The following LMO1 variants were observed in gnomAD, a reference collection of about 807,000 sequenced individuals.
LMO1 encodes the protein LIM domain only 1, also known as rhombotin-1.
Under a neutral mutation model 18.0 loss-of-function variants are expected in LMO1, and 10 were observed. The observed-to-expected ratio is 0.55, with a 90% CI of 0.34 to 0.94. The LOEUF is 0.94. Among genes scored for constraint, LMO1 ranks in the 40% least tolerant of loss-of-function variants. The probability of loss-of-function intolerance (pLI) is 0.02; values close to 1 mark genes in which losing one functional copy is unlikely to be tolerated. For missense variants in LMO1, 183 were observed against 205.7 expected (o/e 0.89, Z 0.68); for synonymous variants, 77 against 77.9 (o/e 0.99, Z 0.06).
chr11:8,263,523 C>G lies in LMO1; in HGVS notation c.-161G>C. ...GATTGCACTCAGCTAGAATTACATTCAGGAGTGAAGCACTTCGCAGATACA... is the reference window on the plus strand; with the variant it reads ...GATTGCACTCAGCTAGAATTACATTGAGGAGTGAAGCACTTCGCAGATACA... On this transcript the variant is annotated 5_prime_UTR_variant, in exon 1 of 4. Transcript: ENST00000335790. The G allele has an allele frequency of 7.1e-7, 1 of 1,400,632 alleles. No homozygotes were observed. Among genetic ancestry groups the G allele is most frequent in the East Asian group, 3.0e-5 (1 of 33,788 alleles). The allele number at this position is 1,400,632 out of a possible 1,614,324, so 86.8% of individuals were successfully genotyped here.
At chr11:8,268,700 G>A (rs1290675751), upstream of LMO1, 2 of 260,878 alleles carry the variant, frequency 7.7e-6, no homozygotes, top group Non-Finnish European at 1.4e-5. Context: ...AGCCTCGCGA[G>A]CAGCAGCTGC....
chr11:8,262,837 C>CGTCCTCCCGCGCTCCCGCT (rs910223104), intron 1 of LMO1, among the ~76,000 whole-genome samples: 6 of 152,196 alleles, frequency 3.9e-5, no homozygotes, highest in Non-Finnish European at 8.8e-5. Flanking sequence ...GCGCTCGCGC[C>CGTCCTCCCGCGCTCCCGCT]GTCCTCCCGC....
At chr11:8,243,037 G>A (rs577623970) in intron 1 of LMO1, among the ~76,000 whole-genome samples, 31 of 152,328 alleles carry the variant, frequency 2.0e-4, no homozygotes, top group Middle Eastern at 3.4e-3. Flanking sequence ...TGCTAGCCAC[G>A]GGGCTGGGTG....
intron 1 of LMO1, among the ~76,000 whole-genome samples, chr11:8,260,172 A>G (rs2134586073): frequency 1.3e-5 from 2 of 152,072 alleles, no homozygotes; most frequent in East Asian, 3.9e-4. Context: ...GTCTGCTCCT[A>G]CTCAAAGGCC....
chr11:8,266,210 C>T (rs912755727), upstream of LMO1, among the ~76,000 whole-genome samples: 2 of 152,198 alleles, frequency 1.3e-5, no homozygotes, highest in Non-Finnish European at 2.9e-5. Context: ...GGAGAGGAAC[C>T]TTCACAGCAA....
At position 8,263,224 on chromosome 11, in the gene LMO1, G is replaced by T. The variant is rs1449327032; in HGVS notation, c.25+114C>A. On this transcript the variant is annotated intron_variant, in intron 1 of 3. Coordinates refer to ENST00000335790, the MANE Select transcript of LMO1 (RefSeq NM_002315.3). ...CGGCCCCCAGCGCGCCGCCCGCCCC[G>T]CAATCCCCGCACAGCCCAGCAGGTG... The T allele has an allele frequency of 1.3e-5, 12 of 947,364 alleles. No homozygotes were observed. The African/African-American group carries it at 1.6e-4, about 12-fold the overall frequency. 58.7% of individuals were successfully genotyped at this position (947,364 alleles called of 1,614,324 possible).
intron 1 of LMO1, among the ~76,000 whole-genome samples, chr11:8,243,291 G>A (rs936326704): frequency 6.6e-6 from 1 of 152,160 alleles, no homozygotes; most frequent in Non-Finnish European, 1.5e-5. Context: ...TCAGCCCCCC[G>A]CATGGCTGAG....
chr11:8,267,434 T>C (rs1847271830), upstream of LMO1, among the ~76,000 whole-genome samples: 1 of 152,156 alleles, frequency 6.6e-6, no homozygotes, highest in Admixed American at 6.5e-5. Flanking sequence ...AGAAGTTGCC[T>C]CTCAACCCCA....
intron 1 of LMO1, among the ~76,000 whole-genome samples, chr11:8,241,261 A>G (rs425126): frequency 0.048 from 7,247 of 150,768 alleles, 393 homozygotes; most frequent in East Asian, 0.29. Flanking sequence ...TTCCCTGCCA[A>G]CTCTTGCTCC....
intron 1 of LMO1, among the ~76,000 whole-genome samples, chr11:8,251,330 G>T (rs1423646256): frequency 6.6e-6 from 1 of 152,148 alleles, no homozygotes; most frequent in Non-Finnish European, 1.5e-5. Flanking sequence ...CCTGTTTATG[G>T]GAGTGCTCCA....
At chr11:8,242,913 T>C in intron 1 of LMO1, among the ~76,000 whole-genome samples, 1 of 152,134 alleles carries the variant, frequency 6.6e-6, no homozygotes, top group South Asian at 2.1e-4. Context: ...AAAATCAATT[T>C]TGAATTCAAA....
chr11:8,225,294 T>C (rs1226004751), intron 3 of LMO1, among the ~76,000 whole-genome samples: 1 of 150,162 alleles, frequency 6.7e-6, no homozygotes, highest in African/African-American at 2.5e-5. Flanking sequence ...TAATCCCATC[T>C]ACTCGGGAGG....
At chr11:8,243,370 C>G (rs1412647487) in intron 1 of LMO1, among the ~76,000 whole-genome samples, 1 of 152,208 alleles carries the variant, frequency 6.6e-6, no homozygotes, top group Non-Finnish European at 1.5e-5. Flanking sequence ...AGTTTGGGAT[C>G]TGTATCCTAA....
chr11:8,252,860 G>T (rs1165088722), intron 1 of LMO1, among the ~76,000 whole-genome samples: 3 of 152,252 alleles, frequency 2.0e-5, no homozygotes, highest in Non-Finnish European at 4.4e-5. Context: ...CCACAGCAAC[G>T]AGAGAATAAG....
intron 1 of LMO1, among the ~76,000 whole-genome samples, chr11:8,239,923 AC>A (rs766716852): frequency 2.6e-4 from 40 of 152,322 alleles, no homozygotes; most frequent in Admixed American, 7.2e-4. Flanking sequence ...CCTGCTCTGT[AC>A]CAGGAACATA....
At chr11:8,262,168 G>A (rs1263958867) in intron 1 of LMO1, among the ~76,000 whole-genome samples, 1 of 152,248 alleles carries the variant, frequency 6.6e-6, no homozygotes, top group East Asian at 1.9e-4. Context: ...AGGCCCAGCA[G>A]AGACTCCTGA....
At chr11:8,240,230 G>C (rs1228626155) in intron 1 of LMO1, among the ~76,000 whole-genome samples, 2 of 152,232 alleles carry the variant, frequency 1.3e-5, no homozygotes, top group African/African-American at 2.4e-5. Context: ...GAGCTCCCCA[G>C]AGGGGCCATT....
At chr11:8,236,506 C>A (rs1052457432) in intron 1 of LMO1, among the ~76,000 whole-genome samples, 1 of 151,982 alleles carries the variant, frequency 6.6e-6, no homozygotes, top group African/African-American at 2.4e-5. Context: ...GGCCTGTGAA[C>A]CCTGGCAGTC....
intron 1 of LMO1, among the ~76,000 whole-genome samples, chr11:8,254,939 GT>G (rs1847064545): frequency 6.6e-6 from 1 of 152,162 alleles, no homozygotes; most frequent in South Asian, 2.1e-4. Context: ...TAAAATGAGG[GT>G]AATAGTAGCT....
Sources: allele counts gnomAD v4.1 joint callset (sites outside exome capture counted in the v4.1 genomes callset), GRCh38; gene constraint gnomAD v4.1.1; transcripts MANE v1.5; gene names NCBI Gene and HGNC (gene_info 2026-07-23, HGNC 2026-07-21).